Variants in VWA8 observed in about 807,000 individuals in gnomAD.
The protein encoded by VWA8 is von Willebrand factor A domain containing 8.
Under a neutral mutation model 241.5 loss-of-function variants are expected in VWA8, and 221 were observed. The observed-to-expected ratio is 0.91, with a 90% CI of 0.82 to 1.02. The LOEUF is 1.02. VWA8 is among the 50% of genes least tolerant of loss of function. The pLI is 0.00. For missense variants in VWA8, 2,322 were observed against 2,328.7 expected, an observed-to-expected ratio of 1.00 and a Z score of 0.06; for synonymous variants, 852 against 827.1, an observed-to-expected ratio of 1.03 and a Z score of -0.52.
intron 10 of VWA8, among the ~76,000 whole-genome samples, chr13:41,867,569 C>A (rs1164109587): frequency 1.3e-5 from 2 of 152,030 alleles, no homozygotes; most frequent in Non-Finnish European, 2.9e-5. Context: ...GGATTTAAAT[C>A]GTGTAATATA....
intron 42 of VWA8, among the ~76,000 whole-genome samples, chr13:41,584,419 A>C (rs1322358930): frequency 6.6e-6 from 1 of 152,160 alleles, no homozygotes; most frequent in Non-Finnish European, 1.5e-5. Flanking sequence ...AGGAGTTTGC[A>C]GGAACAGGAC....
chr13:41,749,218 A>T (rs1349781034), intron 21 of VWA8, among the ~76,000 whole-genome samples: 1 of 152,242 alleles, frequency 6.6e-6, no homozygotes, highest in Non-Finnish European at 1.5e-5. Flanking sequence ...ACTTCTCAAA[A>T]GAAGACATTT....
chr13:41,912,061 G>A lies in VWA8; in HGVS notation c.349C>T (p.Arg117Cys), dbSNP rs373082900. ...FLIGPPGPLR[R>C]SIAMQYLELT... ...ACCAAGTACTGCATAGCAATAGAGC[G>A]TCGAAGAGGCCCAGGAGGTCCTATT... Residue 117 changes from arginine to cysteine, a missense_variant, in exon 3 of 45, where the codon CGC becomes TGC. By Grantham distance (180) the Arg-to-Cys change is radical. Coordinates refer to ENST00000379310, the MANE Select transcript of VWA8 (RefSeq NM_015058.2). 60 of 1,598,300 alleles carry A rather than the reference G, an allele frequency of 3.8e-5. No individual in the cohort carries two copies. The highest frequency in any genetic ancestry group is 2.1e-4 in the African/African-American group (16 of 74,810).
At chr13:41,702,531 T>G (rs1439722004) in intron 27 of VWA8, among the ~76,000 whole-genome samples, 1 of 152,236 alleles carries the variant, frequency 6.6e-6, no homozygotes, top group African/African-American at 2.4e-5. Context: ...CTGTAAGGGT[T>G]GACAAACTAT....
chr13:41,671,565 A>G (rs1158022237), intron 36 of VWA8, among the ~76,000 whole-genome samples: 1 of 151,060 alleles, frequency 6.6e-6, no homozygotes, highest in Non-Finnish European at 1.5e-5. Context: ...CGCCAAATTC[A>G]TATGTTGAAG....
chr13:41,905,356 G>C (rs1875658190), intron 4 of VWA8: 1 of 151,934 alleles, frequency 6.6e-6, no homozygotes, highest in African/African-American at 2.4e-5. Context: ...AAAATTATTA[G>C]TAATGGTTGT....
At chr13:41,602,814 T>G (rs2139654942) in intron 40 of VWA8, among the ~76,000 whole-genome samples, 1 of 152,206 alleles carries the variant, frequency 6.6e-6, no homozygotes, top group African/African-American at 2.4e-5. Context: ...TTGGTGACAA[T>G]GACGATGTAA....
chr13:41,672,850 G>A (rs1280213657), intron 36 of VWA8, among the ~76,000 whole-genome samples: 1 of 152,008 alleles, frequency 6.6e-6, no homozygotes, highest in Non-Finnish European at 1.5e-5. Flanking sequence ...TGGAGTAAGG[G>A]GCTATTCAAG....
chr13:41,598,377 T>A (rs1243153526), intron 40 of VWA8, among the ~76,000 whole-genome samples: 1 of 152,074 alleles, frequency 6.6e-6, no homozygotes, highest in Non-Finnish European at 1.5e-5. Context: ...TCATAATTTT[T>A]AATATTGTAT....
intron 34 of VWA8, among the ~76,000 whole-genome samples, chr13:41,686,551 T>TA (rs2045137676): frequency 6.6e-6 from 1 of 152,078 alleles, no homozygotes; most frequent in Non-Finnish European, 1.5e-5. Context: ...TATATCTACC[T>TA]AAATACATTG....
intron 35 of VWA8, among the ~76,000 whole-genome samples, chr13:41,682,967 C>G (rs1171017096): frequency 6.6e-6 from 1 of 152,088 alleles, no homozygotes; most frequent in Non-Finnish European, 1.5e-5. Flanking sequence ...CAAGTGCTGA[C>G]AGGGATGCAG....
intron 9 of VWA8, among the ~76,000 whole-genome samples, chr13:41,878,423 C>CTTTTT (rs200400485): frequency 6.9e-6 from 1 of 145,602 alleles, no homozygotes; most frequent in East Asian, 2.0e-4. Flanking sequence ...CTCTTCCACT[C>CTTTTT]TTTTTTTTTT....
intron 26 of VWA8, among the ~76,000 whole-genome samples, chr13:41,716,502 CT>C (rs1354848188): frequency 6.6e-6 from 1 of 152,056 alleles, no homozygotes; most frequent in Non-Finnish European, 1.5e-5. Flanking sequence ...GAAGAAGGTG[CT>C]GTAGATAGCT....
chr13:41,655,764 T>A (rs1484047410), intron 37 of VWA8, among the ~76,000 whole-genome samples: 1 of 152,254 alleles, frequency 6.6e-6, no homozygotes, highest in East Asian at 1.9e-4. Flanking sequence ...AAGGAAATGC[T>A]ATTGCAATTT....
At chr13:41,624,012 CA>C (rs985999051) in intron 37 of VWA8, among the ~76,000 whole-genome samples, 2 of 151,866 alleles carry the variant, frequency 1.3e-5, no homozygotes, top group African/African-American at 2.4e-5. Flanking sequence ...CAGAGAAATA[CA>C]AAAAAACCCC....
intron 21 of VWA8, among the ~76,000 whole-genome samples, chr13:41,757,141 AG>A (rs2045699897): frequency 6.6e-6 from 1 of 151,670 alleles, no homozygotes; most frequent in African/African-American, 2.4e-5. Context: ...CTTAAAGGAG[AG>A]GAAAAAAAAA....
At chr13:41,871,607 C>T (rs1202923507) in intron 9 of VWA8, among the ~76,000 whole-genome samples, 1 of 152,188 alleles carries the variant, frequency 6.6e-6, no homozygotes, top group Non-Finnish European at 1.5e-5. Context: ...TTTCCAATTT[C>T]ATCCATGTCC....
At position 41,865,811 on chromosome 13, in the gene VWA8, A is replaced by G; in HGVS notation, c.1350T>C (p.Gly450=). 1 of 1,614,152 alleles carries G rather than the reference A, an allele frequency of 6.2e-7. No homozygotes were observed. Among genetic ancestry groups the G allele is most frequent in the Non-Finnish European group, 8.5e-7 (1 of 1,180,028 alleles). ...TCTTAGCGATCACTGTTTTTCCACA[A>G]CCCTACAAATGGAAAAAATTATTCA... is the stretch of plus-strand genomic sequence containing the variant. ...VKDICLIGGK[G]CGKTVIAKNF... Residue 450 remains glycine, a splice_region_variant and synonymous_variant, in exon 12 of 45, where the codon GGT becomes GGC. Transcript: ENST00000379310.
intron 40 of VWA8, among the ~76,000 whole-genome samples, chr13:41,592,454 A>G (rs1448986551): frequency 2.7e-5 from 4 of 148,576 alleles, no homozygotes; most frequent in Admixed American, 1.4e-4. Flanking sequence ...GTACCCTAAA[A>G]CTTAAAGTAT....
Sources: allele counts gnomAD v4.1 joint callset (sites outside exome capture counted in the v4.1 genomes callset), GRCh38; gene constraint gnomAD v4.1.1; transcripts MANE v1.5; gene names NCBI Gene and HGNC (gene_info 2026-07-23, HGNC 2026-07-21).